Variants in ENTREP1 observed in about 807,000 individuals in gnomAD.
The protein encoded by ENTREP1 is Friedreich ataxia region gene X123.
At chr9:69,383,356 GCT>G in the ENTREP1 span, 2 of 1,212,660 alleles carry the variant, frequency 1.6e-6, no homozygotes, top group South Asian at 4.1e-5. Context: ...CCACTAATCT[GCT>G]CTGTGTCTCT....
the ENTREP1 span, chr9:69,385,763 C>CATTTTTTTTT: frequency 8.0e-7 from 1 of 1,243,192 alleles, no homozygotes; most frequent in Non-Finnish European, 1.0e-6. Context: ...TGTTTCGCCT[C>CATTTTTTTTT]TTTTTTTTTT....
the ENTREP1 span, chr9:69,382,870 C>G: frequency 3.8e-6 from 1 of 261,366 alleles, no homozygotes; most frequent in Non-Finnish European, 5.9e-6. Flanking sequence ...AACTTTTGTT[C>G]TCTTTTTTTT....
chr9:69,325,202 G>A, the ENTREP1 span: 7 of 1,025,186 alleles, frequency 6.8e-6, no homozygotes, highest in African/African-American at 1.7e-5. Context: ...CCTCGGCCTC[G>A]GAGCCCGTCT....
At chr9:69,329,767 G>C in the ENTREP1 span, 6,654 of 960,566 alleles carry the variant, frequency 6.9e-3, 36 homozygotes, top group Admixed American at 0.011. Flanking sequence ...GGTTTGGGGG[G>C]TGCGTTTAGT....
the ENTREP1 span, among the ~76,000 whole-genome samples, chr9:69,378,615 C>T: frequency 1.3e-5 from 2 of 151,994 alleles, no homozygotes; most frequent in Non-Finnish European, 2.9e-5. Context: ...AAAAATTAGC[C>T]GGGCATGGTA....
chr9:69,337,723 A>C, the ENTREP1 span, among the ~76,000 whole-genome samples: 1 of 152,176 alleles, frequency 6.6e-6, no homozygotes, highest in Non-Finnish European at 1.5e-5. Flanking sequence ...ATGCTAATGG[A>C]GTTTCCAACT....
At chr9:69,330,475 G>T in the ENTREP1 span, among the ~76,000 whole-genome samples, 1 of 152,086 alleles carries the variant, frequency 6.6e-6, no homozygotes, top group South Asian at 2.1e-4. Context: ...ATGATTCTTT[G>T]GCAAGGTTCT....
the ENTREP1 span, chr9:69,391,901 A>G: frequency 8.4e-7 from 1 of 1,185,640 alleles, no homozygotes; most frequent in Non-Finnish European, 1.2e-6. Flanking sequence ...AAAAAGGAGC[A>G]CTCTGGAGGA....
chr9:69,369,613 A>G, the ENTREP1 span, among the ~76,000 whole-genome samples: 3 of 141,040 alleles, frequency 2.1e-5, no homozygotes, highest in Admixed American at 7.3e-5. Context: ...TTTTTATCAT[A>G]TGACACACAG....
chr9:69,340,695 A>ATG, the ENTREP1 span, among the ~76,000 whole-genome samples: 61 of 54,422 alleles, frequency 1.1e-3, 4 homozygotes, highest in African/African-American at 3.7e-3. Flanking sequence ...GTGTGTGTGT[A>ATG]TGTGTGTGTG....
At chr9:69,367,969 A>T in the ENTREP1 span, among the ~76,000 whole-genome samples, 1 of 149,830 alleles carries the variant, frequency 6.7e-6, no homozygotes. Context: ...TGTAAATGGG[A>T]TTGCCTTCTT....
the ENTREP1 span, chr9:69,383,216 C>A: frequency 1.4e-6 from 1 of 721,612 alleles, no homozygotes; most frequent in Non-Finnish European, 1.7e-6. Flanking sequence ...GATTCAGTAG[C>A]ATTTAGTGCA....
the ENTREP1 span, among the ~76,000 whole-genome samples, chr9:69,348,571 A>T: frequency 6.6e-6 from 1 of 152,232 alleles, no homozygotes; most frequent in Non-Finnish European, 1.5e-5. Flanking sequence ...CTCCAAAAAA[A>T]TCCTGTACCC....
chr9:69,340,268 C>T, the ENTREP1 span, among the ~76,000 whole-genome samples: 3 of 152,150 alleles, frequency 2.0e-5, no homozygotes, highest in African/African-American at 4.8e-5. Context: ...AGGCTGTCCT[C>T]GTTTTTAGTT....
At chr9:69,369,952 G>A in the ENTREP1 span, among the ~76,000 whole-genome samples, 2 of 152,066 alleles carry the variant, frequency 1.3e-5, no homozygotes, top group African/African-American at 4.8e-5. Flanking sequence ...GACACAAGTT[G>A]TTGTTTGTTC....
At chr9:69,337,271 GTGT>G in the ENTREP1 span, among the ~76,000 whole-genome samples, 1 of 152,028 alleles carries the variant, frequency 6.6e-6, no homozygotes, top group Non-Finnish European at 1.5e-5. Context: ...GCCTCCCAGA[GTGT>G]TGAGATTATA....
chr9:69,341,036 A>T, the ENTREP1 span, among the ~76,000 whole-genome samples: 33 of 152,194 alleles, frequency 2.2e-4, no homozygotes, highest in Non-Finnish European at 2.4e-4. Context: ...ATAAGATTTT[A>T]AAAAAATTTT....
At chr9:69,337,588 GTTT>G in the ENTREP1 span, among the ~76,000 whole-genome samples, 1 of 151,898 alleles carries the variant, frequency 6.6e-6, no homozygotes, top group African/African-American at 2.4e-5. Context: ...TTCATCCTTT[GTTT>G]TTATTTGCTA....
chr9:69,385,856 C>T, the ENTREP1 span: 1 of 1,610,396 alleles, frequency 6.2e-7, no homozygotes, highest in Non-Finnish European at 8.5e-7. Flanking sequence ...CCAGTTCAAC[C>T]CTGGTGCGTC....
Sources: allele counts gnomAD v4.1 joint callset (sites outside exome capture counted in the v4.1 genomes callset), GRCh38; gene constraint gnomAD v4.1.1; transcripts MANE v1.5; gene names NCBI Gene and HGNC (gene_info 2026-07-23, HGNC 2026-07-21).